The following SDC4 variants were observed in gnomAD, a reference collection of about 807,000 sequenced individuals.
SDC4 encodes syndecan-4.
A neutral mutation model predicts 20.5 loss-of-function variants in SDC4; 17 were observed. The ratio of observed to expected loss-of-function variants is 0.83; its 90% CI spans 0.57 to 1.25. The LOEUF (loss-of-function observed/expected upper bound fraction) is 1.25, where lower values mean the gene tolerates loss of function less well. Among genes scored for constraint, SDC4 ranks in the 50% most tolerant of loss-of-function variants. SDC4 has a pLI of 0.00. For missense variants in SDC4, 241 were observed against 252.3 expected, an observed-to-expected ratio of 0.96 and a Z score of 0.30; for synonymous variants, 107 against 105.3, an observed-to-expected ratio of 1.02 and a Z score of -0.10.
At chr20:45,334,512 C>T (rs1290180318) in intron 2 of SDC4, among the ~76,000 whole-genome samples, 1 of 151,646 alleles carries the variant, frequency 6.6e-6, no homozygotes, top group East Asian at 1.9e-4. Flanking sequence ...TTTTTCAAGA[C>T]AGAGTCTTGC....
chr20:45,334,050 C>T (rs979528034), intron 2 of SDC4, among the ~76,000 whole-genome samples: 1 of 151,372 alleles, frequency 6.6e-6, no homozygotes, highest in African/African-American at 2.4e-5. Context: ...GCTGGAGTAC[C>T]GTGGTGCCAT....
At chr20:45,342,417 G>A (rs373381068) in intron 1 of SDC4, among the ~76,000 whole-genome samples, 1 of 152,186 alleles carries the variant, frequency 6.6e-6, no homozygotes, top group Non-Finnish European at 1.5e-5. Context: ...GAGTGACACC[G>A]CCAGTCCCCG....
chr20:45,332,972 GTCTGCTATA>G (rs1987801505), intron 3 of SDC4, 42 bp downstream of exon 3: 1 of 1,548,452 alleles, frequency 6.5e-7, no homozygotes, highest in Non-Finnish European at 8.9e-7. Context: ...CTCCCAATAG[GTCTGCTATA>G]GAGGAGCAAA....
chr20:45,337,357 C>T (rs990156207), intron 1 of SDC4, among the ~76,000 whole-genome samples: 1 of 152,148 alleles, frequency 6.6e-6, no homozygotes, highest in African/African-American at 2.4e-5. Context: ...GAAAGACATT[C>T]CCATCTTCTC....
intron 3 of SDC4, among the ~76,000 whole-genome samples, chr20:45,331,842 C>A (rs577376043): frequency 6.6e-6 from 1 of 152,284 alleles, no homozygotes; most frequent in Non-Finnish European, 1.5e-5. Flanking sequence ...CTACCCCTTG[C>A]TTAACATATA....
At chr20:45,348,288 C>T in intron 1 of SDC4, 37 bp downstream of exon 1, 12 of 1,549,058 alleles carry the variant, frequency 7.7e-6, no homozygotes, top group Non-Finnish European at 1.0e-5. Context: ...CCTGCGCCCC[C>T]GCTTCGCCCC....
In SDC4 at chr20:45,325,519, A is replaced by G. The variant is rs1294739162; in HGVS notation, c.*1745T>C. ...TCCCCTCACCGCAGCCACTGGGGTC[A>G]GGAGGAGACACGACCTGCCCAGGCT... On this transcript the variant is annotated 3_prime_UTR_variant, in exon 5 of 5. Coordinates refer to ENST00000372733, the MANE Select transcript of SDC4 (RefSeq NM_002999.4). 6.6e-6 allele frequency: 1 copy of G among 152,552 alleles called. No individual in the cohort carries two copies. Among genetic ancestry groups the G allele is most frequent in the Non-Finnish European group, 1.5e-5 (1 of 68,068 alleles). The allele number at this position is 152,552 out of a possible 1,614,324, so 9.4% of individuals were successfully genotyped here.
chr20:45,336,859 T>C (rs6065807), intron 1 of SDC4, among the ~76,000 whole-genome samples: 111,220 of 151,636 alleles, frequency 0.73, 41,074 homozygotes, highest in East Asian at 0.95. Flanking sequence ...CTCAGGAGTG[T>C]ACTCCTGGAT....
chr20:45,335,759 C>T (rs978990074), intron 2 of SDC4, 23 bp downstream of exon 2: 1 of 1,611,838 alleles, frequency 6.2e-7, no homozygotes, highest in Admixed American at 1.7e-5. Context: ...TGTGCCTACG[C>T]CTGCCCAGCA....
intron 1 of SDC4, among the ~76,000 whole-genome samples, chr20:45,338,639 G>A (rs1987910423): frequency 6.6e-6 from 1 of 152,222 alleles, no homozygotes; most frequent in South Asian, 2.1e-4. Flanking sequence ...TTTTACATTA[G>A]AGAAATGAAG....
intron 1 of SDC4, among the ~76,000 whole-genome samples, chr20:45,347,612 A>G (rs926292741): frequency 7.9e-5 from 12 of 152,196 alleles, no homozygotes; most frequent in African/African-American, 2.9e-4. Context: ...TCTTGCAGAA[A>G]GCAGAGGCTC....
intron 4 of SDC4, 133 bp from the exon 5 acceptor site, chr20:45,327,548 A>G: frequency 9.7e-7 from 1 of 1,036,208 alleles, no homozygotes; most frequent in East Asian, 2.6e-5. Flanking sequence ...GTGCCAGGCA[A>G]GCTGATGCCT....
At chr20:45,329,196 C>T (rs1224972505) in intron 4 of SDC4, among the ~76,000 whole-genome samples, 1 of 152,200 alleles carries the variant, frequency 6.6e-6, no homozygotes, top group East Asian at 1.9e-4. Flanking sequence ...AACAATATAA[C>T]TTTTCACATG....
Position 45,330,513 on chromosome 20 carries a change from G to A in SDC4, c.298C>T (p.Pro100Ser). The A allele has an allele frequency of 1.9e-6, 3 of 1,614,126 alleles. No homozygotes were observed. The highest frequency in any genetic ancestry group is 2.5e-6 in the Non-Finnish European group (3 of 1,180,028). ...TCCTCTAGTTTCTTGGGTTCGGTGG[G>A]GACTTGGCTCCCAGACCCTGCCCTC... is the stretch of plus-strand genomic sequence containing the variant. ...PERAGSGSQV[P>S]TEPKKLEENE... is the part of the protein sequence containing the mutation. The change falls in exon 4 of 5, where the codon CCC becomes TCC. Residue 100 changes from proline to serine, a missense_variant. Transcript: ENST00000372733.
intron 2 of SDC4, among the ~76,000 whole-genome samples, chr20:45,335,293 T>G (rs1225449847): frequency 6.6e-6 from 1 of 152,120 alleles, no homozygotes; most frequent in Non-Finnish European, 1.5e-5. Context: ...TCGTCCCACC[T>G]CAGCCTCCCA....
chr20:45,348,271 G>A (rs1410869797), intron 1 of SDC4, 54 bp downstream of exon 1: 4 of 1,458,928 alleles, frequency 2.7e-6, no homozygotes, highest in Non-Finnish European at 3.7e-6. Context: ...AACAAAGGAG[G>A]CACCGGCCTG....
intron 2 of SDC4, among the ~76,000 whole-genome samples, chr20:45,335,417 G>A (rs1987846845): frequency 6.6e-6 from 1 of 151,604 alleles, no homozygotes; most frequent in African/African-American, 2.4e-5. Context: ...TCAAAAAAAG[G>A]AAAACACTCT....
At chr20:45,342,244 C>T (rs1432301396) in intron 1 of SDC4, among the ~76,000 whole-genome samples, 1 of 152,188 alleles carries the variant, frequency 6.6e-6, no homozygotes, top group Non-Finnish European at 1.5e-5. Flanking sequence ...GGCTTCCTGC[C>T]TCTTCCCAGC....
chr20:45,340,603 G>T (rs1987940457), intron 1 of SDC4, among the ~76,000 whole-genome samples: 1 of 152,250 alleles, frequency 6.6e-6, no homozygotes, highest in African/African-American at 2.4e-5. Context: ...CAGAAACTTG[G>T]CTGGGGCACC....
Sources: allele counts gnomAD v4.1 joint callset (sites outside exome capture counted in the v4.1 genomes callset), GRCh38; gene constraint gnomAD v4.1.1; transcripts MANE v1.5; gene names NCBI Gene and HGNC (gene_info 2026-07-23, HGNC 2026-07-21).